Variants in ACTB observed in about 807,000 individuals in gnomAD.
ACTB encodes actin beta.
ACTB carries 2 observed loss-of-function variants against 30.5 expected under a neutral mutation model. The observed-to-expected ratio is 0.07, with a 90% confidence interval of 0.03 to 0.21. The LOEUF is 0.21. ACTB is among the 10% of genes least tolerant of loss of function. ACTB has a pLI of 1.00. For missense variants in ACTB, 56 were observed against 530.0 expected (o/e 0.11, Z 8.78); for synonymous variants, 335 against 217.6 (o/e 1.54, Z -4.75).
At position 5,529,042 on chromosome 7, in the gene ACTB, A is replaced by G. The variant is rs772306683; in HGVS notation, c.363+119T>C. The G allele has an allele frequency of 4.3e-6, 7 of 1,612,784 alleles. No individual in the cohort carries two copies. In the South Asian group the frequency reaches 7.7e-5, roughly 18 times the overall value. The stretch of plus-strand genomic sequence containing the variant: ...ACCTGCAGAGTTCCAAAGGAGACTC[A>G]GGTCAGAGAAGAGAGTCCTACGGAA... On this transcript the variant is annotated intron_variant, in intron 3 of 5. Transcript: ENST00000646664.
chr7:5,529,118 G>A lies in ACTB; in HGVS notation c.363+43C>T, dbSNP rs184552929. 6,692 of 1,613,646 alleles carry A rather than the reference G, an allele frequency of 4.1e-3. 22 individuals are homozygous for A. The highest frequency in any genetic ancestry group is 5.1e-3 in the Non-Finnish European group (6,029 of 1,179,782). ...AAAGGGCGCAGCTCCGGGAGGCCAG[G>A]AAGGAGGGAGGCGGCCACCAGAAGA... On this transcript the variant is annotated intron_variant, in intron 3 of 5. Coordinates refer to ENST00000646664, the MANE Select transcript of ACTB (RefSeq NM_001101.5).
At chr7:5,528,967 C>CT in intron 3 of ACTB, 194 bp downstream of exon 3, 4 of 1,560,238 alleles carry the variant, frequency 2.6e-6, no homozygotes, top group Non-Finnish European at 3.5e-6. Flanking sequence ...GACACCTAGT[C>CT]AGAGAGACAA....
chr7:5,528,783 G>C (rs1034387970), intron 3 of ACTB, 64 bp from the exon 4 acceptor site: 9 of 1,572,484 alleles, frequency 5.7e-6, no homozygotes, highest in Non-Finnish European at 7.9e-6. Context: ...GGCCAGACGG[G>C]GGACATGCAG....
intron 1 of ACTB, among the ~76,000 whole-genome samples, chr7:5,530,144 G>A (rs978682713): frequency 2.6e-5 from 4 of 151,960 alleles, no homozygotes; most frequent in Admixed American, 1.3e-4. Flanking sequence ...CGCGCACGCA[G>A]TTAGCGCCCA....
Position 5,529,464 on chromosome 7 carries a change from C to T in ACTB, c.124-64G>A, listed in dbSNP as rs1330208951. 1.7e-5 allele frequency: 28 copies of T among 1,613,270 alleles called. No individual in the cohort carries two copies. In the Admixed American group the frequency reaches 4.3e-4, roughly 25 times the overall value. On this transcript the variant is annotated intron_variant, in intron 2 of 5. Transcript: ENST00000646664. ...AGCCCCCACCCCGGAAACCGGGAGG[C>T]TCCTGTGCAGAGAAAGCGCCCTTGC... is the stretch of plus-strand genomic sequence containing the variant.
At position 5,527,901 on chromosome 7, in the gene ACTB, G is replaced by A. The variant is rs367881583; in HGVS notation, c.985-10C>T. On this transcript the variant is annotated splice_polypyrimidine_tract_variant and intron_variant, in intron 5 of 5. Transcript: ENST00000646664. ...CAGGAGGAGCAATGATCTGAGGAGG[G>A]AAGGGGACAGGCAGTGAGGACCCTG... is the stretch of plus-strand genomic sequence containing the variant. 1.9e-5 allele frequency: 31 copies of A among 1,612,890 alleles called. No homozygotes were observed. Among genetic ancestry groups the A allele is most frequent in the East Asian group, 4.5e-5 (2 of 44,880 alleles).
chr7:5,529,051 AAG>A (rs750334287), intron 3 of ACTB, 108 bp downstream of exon 3: 27 of 1,613,050 alleles, frequency 1.7e-5, no homozygotes, highest in East Asian at 1.1e-4. Context: ...CAGGTCAGAG[AAG>A]AGAGTCCTAC....
At chr7:5,529,906 T>G in intron 1 of ACTB, 1 of 564,478 alleles carries the variant, frequency 1.8e-6, no homozygotes. Flanking sequence ...CTCCGCCCGG[T>G]TCAAACAGCG....
At chr7:5,529,509 C>A (rs1252119278) in intron 2 of ACTB, 26 bp downstream of exon 2, 1 of 1,611,868 alleles carries the variant, frequency 6.2e-7, no homozygotes, top group Admixed American at 1.7e-5. Context: ...GCTCCCGGGG[C>A]TGCCCCACCC....
intron 3 of ACTB, 83 bp downstream of exon 3, chr7:5,529,076 AAG>A (rs779636227): frequency 4.3e-6 from 7 of 1,613,362 alleles, no homozygotes; most frequent in Non-Finnish European, 5.9e-6. Flanking sequence ...AAAACGGCAG[AAG>A]AGAGAACCAG....
rs1784802608 is a variant in ACTB at position 5,528,007 on chromosome 7, G to A, written c.981C>T (p.Ile327=). 6.2e-7 allele frequency: 1 copy of A among 1,614,176 alleles called. No individual in the cohort carries two copies. Among genetic ancestry groups the A allele is most frequent in the South Asian group, 1.1e-5 (1 of 91,080 alleles). Residue 327 remains isoleucine, a synonymous_variant, in exon 5 of 6, where the codon ATC becomes ATT. Coordinates refer to ENST00000646664, the MANE Select transcript of ACTB (RefSeq NM_001101.5). Reference sequence around the variant, plus strand: ...CTCAGGCAGGAAAGACACCCACCTTGATCTTCATTGTGCTGGGTGCCAGGG... The same window carrying A: ...CTCAGGCAGGAAAGACACCCACCTTAATCTTCATTGTGCTGGGTGCCAGGG... The part of the protein sequence containing the change: ...ITALAPSTMK[I]KIIAPPERKY...
At chr7:5,528,894 C>G in intron 3 of ACTB, 175 bp from the exon 4 acceptor site, 2 of 1,420,312 alleles carry the variant, frequency 1.4e-6, no homozygotes, top group Non-Finnish European at 1.9e-6. Context: ...GGCCGCTTTA[C>G]ACCAGCCTCA....
rs367881583 is a variant in ACTB, at chr7:5,527,901, G to T, written c.985-10C>A. The stretch of plus-strand genomic sequence containing the variant: ...CAGGAGGAGCAATGATCTGAGGAGG[G>T]AAGGGGACAGGCAGTGAGGACCCTG... On this transcript the variant is annotated splice_polypyrimidine_tract_variant and intron_variant, in intron 5 of 5. Transcript: ENST00000646664. 1 of 1,613,008 alleles carries T rather than the reference G, an allele frequency of 6.2e-7. No individual in the cohort carries two copies. The highest frequency in any genetic ancestry group is 8.5e-7 in the Non-Finnish European group (1 of 1,179,018).
In ACTB at chr7:5,529,770, T is replaced by C. The variant is rs752279591; in HGVS notation, c.-6-107A>G. 3 of 1,558,246 alleles carry C rather than the reference T, an allele frequency of 1.9e-6. No individual in the cohort carries two copies. In the East Asian group the frequency reaches 6.9e-5, roughly 36 times the overall value. ...AGGGGGCGCCGGCGCGCGCCCAGAT[T>C]GGGGACAAAGGAAGCCGGGCCGGCC... On this transcript the variant is annotated intron_variant, in intron 1 of 5. Transcript: ENST00000646664.
chr7:5,529,932 C>A, intron 1 of ACTB: 1 of 374,626 alleles, frequency 2.7e-6, no homozygotes, highest in Non-Finnish European at 4.8e-6. Context: ...TCGGCGCGCG[C>A]GCACGCAGCG....
rs976122690 is a variant in ACTB at position 5,529,867 on chromosome 7, A to G, written c.-6-204T>C. On this transcript the variant is annotated intron_variant, in intron 1 of 5. Transcript: ENST00000646664. ...GCGCGCGGCAGGAAGCCAGGCCCCA[A>G]CCCCCTCCCAACCGGGCGCCAGCCC... 8.4e-6 allele frequency: 7 copies of G among 835,706 alleles called. No homozygotes were observed. The African/African-American group carries it at 8.7e-5, about 10-fold the overall frequency. 51.8% of individuals were successfully genotyped at this position (835,706 alleles called of 1,614,324 possible). A position where few individuals can be genotyped will look rare whatever the true frequency, so the allele number is the denominator to read the frequency against.
chr7:5,529,475 A>G, intron 2 of ACTB, 60 bp downstream of exon 2: 2 of 1,612,970 alleles, frequency 1.2e-6, no homozygotes, highest in Non-Finnish European at 1.7e-6. Flanking sequence ...TCCTGTGCAG[A>G]GAAAGCGCCC....
rs536183903 is a variant in ACTB at position 5,528,860 on chromosome 7, G to A, written c.364-141C>T. ...TGGGGAGTCTGTTCAGACCTACTGT[G>A]CACCTACTTAATACACACTCCAAGG... On this transcript the variant is annotated intron_variant, in intron 3 of 5. Transcript: ENST00000646664. 1.0e-5 allele frequency: 14 copies of A among 1,393,856 alleles called. No homozygotes were observed. The East Asian group carries it at 2.8e-4, about 28-fold the overall frequency. 86.3% of individuals were successfully genotyped at this position (1,393,856 alleles called of 1,614,324 possible).
In ACTB at chr7:5,529,257, G is replaced by C. The variant is rs760279394; in HGVS notation, c.267C>G (p.Thr89=). 6.2e-7 allele frequency: 1 copy of C among 1,613,936 alleles called. No homozygotes were observed. Among genetic ancestry groups the C allele is most frequent in the African/African-American group, 1.3e-5 (1 of 74,944 alleles). Residue 89 remains threonine (T), a synonymous_variant, in exon 3 of 6, where the codon ACC becomes ACG. Transcript: ENST00000646664. The part of the protein sequence containing the change: ...WDDMEKIWHH[T]FYNELRVAPE... ...GAGCCACACGCAGCTCATTGTAGAA[G>C]GTGTGGTGCCAGATTTTCTCCATGT...
Sources: allele counts gnomAD v4.1 joint callset (sites outside exome capture counted in the v4.1 genomes callset), GRCh38; gene constraint gnomAD v4.1.1; transcripts MANE v1.5; gene names NCBI Gene and HGNC (gene_info 2026-07-23, HGNC 2026-07-21).